Variants in GRK3 observed in about 807,000 individuals in gnomAD.
The protein encoded by GRK3 is adrenergic, beta, receptor kinase 2.
In GRK3, 54 loss-of-function variants were observed where a neutral mutation model predicts 95.7. That is an observed-to-expected ratio of 0.56 (90% CI 0.45 to 0.71). The LOEUF (loss-of-function observed/expected upper bound fraction) is 0.71. GRK3 is among the 30% of genes least tolerant of loss of function. The pLI, the probability that GRK3 is intolerant of heterozygous loss-of-function variation, is 0.00. For synonymous variants in GRK3, 281 were observed against 290.8 expected, an observed-to-expected ratio of 0.97 and a Z score of 0.34; for missense variants, 649 against 851.2, an observed-to-expected ratio of 0.76 and a Z score of 2.96.
At chr22:25,569,696 G>T (rs1931615860) in intron 1 of GRK3, among the ~76,000 whole-genome samples, 1 of 152,226 alleles carries the variant, frequency 6.6e-6, no homozygotes. Context: ...TAGCTAGCAG[G>T]ACGCCTGGCC....
intron 17 of GRK3, among the ~76,000 whole-genome samples, chr22:25,713,358 A>G (rs989776777): frequency 2.0e-5 from 3 of 152,000 alleles, no homozygotes; most frequent in Non-Finnish European, 4.4e-5. Flanking sequence ...AAGAGGAAAA[A>G]CTCTACAGGT....
chr22:25,709,832 T>C, intron 15 of GRK3, 66 bp from the exon 16 acceptor site: 1 of 1,236,466 alleles, frequency 8.1e-7, no homozygotes, highest in South Asian at 1.2e-5. Flanking sequence ...CAGGAGACAG[T>C]TTTGCACAAT....
chr22:25,670,833 C>T (rs560033889), intron 6 of GRK3, among the ~76,000 whole-genome samples: 18 of 140,868 alleles, frequency 1.3e-4, no homozygotes, highest in Non-Finnish European at 2.5e-4. Context: ...GCGGGCGGAT[C>T]GAGACCATCC....
chr22:25,565,190 C>A, intron 1 of GRK3, 37 bp downstream of exon 1: 1 of 1,201,110 alleles, frequency 8.3e-7, no homozygotes, highest in South Asian at 1.5e-5. Context: ...CCCCAAGCCG[C>A]CGCCCCCTGC....
At chr22:25,659,368 C>CA (rs1283185427) in intron 3 of GRK3, among the ~76,000 whole-genome samples, 14 of 152,290 alleles carry the variant, frequency 9.2e-5, no homozygotes, top group East Asian at 7.7e-4. Context: ...GGTGGTGGAA[C>CA]AAAGGGTGGG....
intron 2 of GRK3, among the ~76,000 whole-genome samples, chr22:25,643,581 G>T (rs140301959): frequency 7.2e-4 from 110 of 152,250 alleles, no homozygotes; most frequent in African/African-American, 2.5e-3. Context: ...CTGTTTCTGC[G>T]AACTCTCCGT....
intron 3 of GRK3, 55 bp downstream of exon 3, chr22:25,644,720 A>G (rs2084768578): frequency 3.3e-6 from 3 of 909,326 alleles, no homozygotes; most frequent in Non-Finnish European, 3.4e-6. Context: ...TTTAAACTGT[A>G]CTTTGGAACA....
chr22:25,635,060 C>T (rs564556531), intron 2 of GRK3, among the ~76,000 whole-genome samples: 5 of 152,314 alleles, frequency 3.3e-5, no homozygotes, highest in African/African-American at 7.2e-5. Flanking sequence ...ATGCAGACCA[C>T]GATGGCTTTG....
intron 2 of GRK3, among the ~76,000 whole-genome samples, chr22:25,638,675 A>T (rs1882710111): frequency 2.0e-5 from 3 of 152,214 alleles, no homozygotes; most frequent in Admixed American, 2.0e-4. Context: ...TATTCCAGAC[A>T]TGCTTTTCCT....
chr22:25,614,632 G>C, intron 2 of GRK3, among the ~76,000 whole-genome samples: 1 of 152,196 alleles, frequency 6.6e-6, no homozygotes, highest in East Asian at 1.9e-4. Context: ...GGCAGAGCCA[G>C]AGTTGGAAGT....
In GRK3 at chr22:25,685,297, T is replaced by G. The variant is rs1375611630; in HGVS notation, c.826+49T>G. 2.1e-6 allele frequency: 3 copies of G among 1,402,240 alleles called. No individual in the cohort carries two copies. The African/African-American group carries it at 4.2e-5, about 20-fold the overall frequency. The allele number at this position is 1,402,240 out of a possible 1,614,324, so 86.9% of individuals were successfully genotyped here. A position where few individuals can be genotyped will look rare whatever the true frequency, so the allele number is the denominator to read the frequency against. On this transcript the variant is annotated intron_variant, in intron 10 of 20. Transcript: ENST00000324198. The stretch of plus-strand genomic sequence containing the variant: ...AATGCCTTGAAAGACTTTGCCATGA[T>G]GTTAAATCTTAGCATGCATTAATCT...
At chr22:25,705,678 G>A (rs1480059070) in intron 15 of GRK3, among the ~76,000 whole-genome samples, 2 of 151,808 alleles carry the variant, frequency 1.3e-5, no homozygotes, top group South Asian at 2.1e-4. Flanking sequence ...TGTTTCTTTC[G>A]GGAAGGACTC....
At chr22:25,600,145 G>GT (rs1202006269) in intron 1 of GRK3, among the ~76,000 whole-genome samples, 8 of 150,770 alleles carry the variant, frequency 5.3e-5, no homozygotes, top group African/African-American at 2.0e-4. Context: ...CATATCTGCA[G>GT]GGTTTTTTTT....
At chr22:25,597,959 A>G (rs1281593779) in intron 1 of GRK3, among the ~76,000 whole-genome samples, 1 of 152,232 alleles carries the variant, frequency 6.6e-6, no homozygotes, top group African/African-American at 2.4e-5. Flanking sequence ...AACCTGCACT[A>G]CAAGAGATGG....
intron 6 of GRK3, among the ~76,000 whole-genome samples, chr22:25,669,947 C>A (rs533045043): frequency 6.6e-6 from 1 of 152,308 alleles, no homozygotes; most frequent in South Asian, 2.1e-4. Flanking sequence ...TGGGAGTGCA[C>A]CCAAATGTGG....
chr22:25,707,769 A>G (rs1242522857), intron 15 of GRK3, among the ~76,000 whole-genome samples: 3 of 152,096 alleles, frequency 2.0e-5, no homozygotes. Flanking sequence ...GAAGAAGATG[A>G]CTTGGGCGCT....
intron 1 of GRK3, among the ~76,000 whole-genome samples, chr22:25,594,770 C>T (rs568673516): frequency 4.6e-5 from 7 of 151,848 alleles, no homozygotes; most frequent in Admixed American, 2.0e-4. Context: ...CCCAGGTACT[C>T]GGGAGGCTGA....
intron 17 of GRK3, among the ~76,000 whole-genome samples, chr22:25,713,003 A>G (rs1267159834): frequency 1.3e-5 from 2 of 152,250 alleles, no homozygotes; most frequent in African/African-American, 4.8e-5. Flanking sequence ...GGTGGGGGAA[A>G]ACTCACCTCA....
intron 17 of GRK3, among the ~76,000 whole-genome samples, chr22:25,712,120 A>G (rs956203478): frequency 1.3e-5 from 2 of 152,224 alleles, no homozygotes; most frequent in Non-Finnish European, 2.9e-5. Flanking sequence ...GCAGCTGGTC[A>G]GAGCTAGGGG....
Sources: gnomAD v4.1 joint callset for allele counts (sites outside exome capture counted in the v4.1 genomes callset) on GRCh38, gnomAD v4.1.1 for gene constraint, MANE v1.5 for transcripts, NCBI Gene and HGNC (gene_info 2026-07-23, HGNC 2026-07-21) for gene names.